Variants in RNF43 observed in about 807,000 individuals in gnomAD.
RNF43 encodes the protein E3 ubiquitin-protein ligase RNF43.
In RNF43, 37 loss-of-function variants were observed where a neutral mutation model predicts 78.4. The observed-to-expected ratio is 0.47, with a 90% CI of 0.36 to 0.62. The LOEUF is 0.62. RNF43 is among the 20% of genes least tolerant of loss of function. RNF43 has a pLI of 0.00. For synonymous variants in RNF43, 347 were observed against 395.0 expected (o/e 0.88, Z 1.44); for missense variants, 774 against 1,007.9 (o/e 0.77, Z 3.14).
chr17:58,369,485 G>A (rs947811663), intron 3 of RNF43, among the ~76,000 whole-genome samples: 2 of 152,222 alleles, frequency 1.3e-5, no homozygotes, highest in African/African-American at 4.8e-5. Context: ...AGGGATCTGG[G>A]CCTGAGACAG....
At chr17:58,414,263 T>C (rs1200039455) in intron 2 of RNF43, among the ~76,000 whole-genome samples, 1 of 152,212 alleles carries the variant, frequency 6.6e-6, no homozygotes, top group Non-Finnish European at 1.5e-5. Context: ...TCTGTTAAAT[T>C]TTCCTATCTT....
At chr17:58,375,361 T>C (rs1000814100) in intron 2 of RNF43, among the ~76,000 whole-genome samples, 17 of 152,208 alleles carry the variant, frequency 1.1e-4, no homozygotes, top group African/African-American at 4.1e-4. Context: ...CTATATCTCT[T>C]CCCACCTTGC....
At chr17:58,363,742 A>G (rs1023950881) in intron 3 of RNF43, 142 bp from the exon 4 acceptor site, 4 of 673,454 alleles carry the variant, frequency 5.9e-6, no homozygotes, top group Non-Finnish European at 1.0e-5. Flanking sequence ...CTACCTATGC[A>G]AGGGGTCACT....
Position 58,354,050 on chromosome 17 carries a change from CTT to C in RNF43, c.*891_*892del. ...GGGCTGTCCAAACCCAAGGGTCACA[CTT>C]TGCTTTTCCTTTGTTGTCCCCATTT... On this transcript the variant is annotated 3_prime_UTR_variant, in exon 10 of 10. Transcript: ENST00000407977. 1 of 192,664 alleles carries C rather than the reference CTT, an allele frequency of 5.2e-6. No homozygotes were observed. Among genetic ancestry groups the C allele is most frequent in the Non-Finnish European group, 1.1e-5 (1 of 91,872 alleles). 11.9% of individuals were successfully genotyped at this position (192,664 alleles called of 1,614,324 possible).
intron 2 of RNF43, among the ~76,000 whole-genome samples, chr17:58,414,082 T>C (rs1210760192): frequency 2.0e-5 from 3 of 152,174 alleles, no homozygotes; most frequent in African/African-American, 7.2e-5. Context: ...CTTATGCCAT[T>C]TTTCCAGATA....
At chr17:58,359,934 A>T (rs966583126) in intron 8 of RNF43, among the ~76,000 whole-genome samples, 13 of 152,320 alleles carry the variant, frequency 8.5e-5, no homozygotes, top group East Asian at 1.9e-4. Context: ...CTCAAAAAAT[A>T]AAAATTAAAA....
chr17:58,359,015 C>T (rs1972772425), intron 8 of RNF43, among the ~76,000 whole-genome samples, 192 bp from the exon 9 acceptor site: 1 of 152,172 alleles, frequency 6.6e-6, no homozygotes. Flanking sequence ...GTTGCCTGCC[C>T]TGGGAGGGCC....
intron 2 of RNF43, among the ~76,000 whole-genome samples, chr17:58,412,198 A>G (rs1253203338): frequency 6.6e-6 from 1 of 152,150 alleles, no homozygotes; most frequent in Non-Finnish European, 1.5e-5. Context: ...ATTTTGGCAA[A>G]TATAGGGGAA....
intron 6 of RNF43, among the ~76,000 whole-genome samples, 172 bp from the exon 7 acceptor site, chr17:58,361,116 T>A (rs902212107): frequency 6.6e-6 from 1 of 152,178 alleles, no homozygotes; most frequent in Non-Finnish European, 1.5e-5. Flanking sequence ...CATGCCAAGC[T>A]CTCCCAGTCC....
At chr17:58,396,249 G>C (rs1335619273) in intron 2 of RNF43, among the ~76,000 whole-genome samples, 1 of 152,110 alleles carries the variant, frequency 6.6e-6, no homozygotes, top group African/African-American at 2.4e-5. Flanking sequence ...AGTGGGCATG[G>C]ATTTTCAAAT....
chr17:58,360,282 G>T lies in RNF43; in HGVS notation c.850-31C>A. On this transcript the variant is annotated intron_variant, in intron 7 of 9. Coordinates refer to ENST00000407977, the MANE Select transcript of RNF43 (RefSeq NM_017763.6). The surrounding 1 kb of genome is among the most constrained non-coding windows in gnomAD (Gnocchi z 4.3). ...GAAAAAGAGGGGGTCCAAACCAAAGGCTTCTGTAGCCATAGGAATTGCCAG... is the reference window on the plus strand; with the variant it reads ...GAAAAAGAGGGGGTCCAAACCAAAGTCTTCTGTAGCCATAGGAATTGCCAG... 6.5e-7 allele frequency: 1 copy of T among 1,545,042 alleles called. No individual in the cohort carries two copies. Among genetic ancestry groups the T allele is most frequent in the Non-Finnish European group, 9.0e-7 (1 of 1,117,060 alleles).
chr17:58,356,130 T>G (rs1972681086), intron 9 of RNF43, among the ~76,000 whole-genome samples: 1 of 152,084 alleles, frequency 6.6e-6, no homozygotes. Context: ...AGTACATGGC[T>G]CTCTCCCCAT....
rs199916345 is a variant in RNF43, at chr17:58,357,685, G to C, written c.2091C>G (p.His697Gln). 6.2e-7 allele frequency: 1 copy of C among 1,612,550 alleles called. No individual in the cohort carries two copies. The highest frequency in any genetic ancestry group is 8.5e-7 in the Non-Finnish European group (1 of 1,179,074). Residue 697 changes from histidine to glutamine, a missense_variant, in exon 9 of 10, where the codon CAC becomes CAG. His to Gln is a conservative substitution (Grantham distance 24). Transcript: ENST00000407977. This position sits in a 1 kb window ranked among gnomAD's most constrained non-coding sequence, Gnocchi z 4.5. ...GGCCTGGAGGTCCACAGATCAAGGG[G>C]TGTGCCTCTGGGGACCAAGGATATG... ...SVAYPWSPEA[H>Q]PLICGPPGLD...
intron 2 of RNF43, among the ~76,000 whole-genome samples, chr17:58,387,419 G>A (rs563553605): frequency 5.3e-5 from 8 of 152,118 alleles, no homozygotes; most frequent in Non-Finnish European, 8.8e-5. Context: ...GGGGGACCGA[G>A]GCAGGCAGAT....
chr17:58,384,517 T>C (rs551569053), intron 2 of RNF43, among the ~76,000 whole-genome samples: 28 of 152,368 alleles, frequency 1.8e-4, no homozygotes, highest in African/African-American at 6.7e-4. Context: ...TGATGTTGCA[T>C]TTTATATTAG....
At chr17:58,382,470 T>G (rs1300800640) in intron 2 of RNF43, among the ~76,000 whole-genome samples, 1 of 152,234 alleles carries the variant, frequency 6.6e-6, no homozygotes, top group Non-Finnish European at 1.5e-5. Flanking sequence ...AGTTTCAGTT[T>G]CAAAGTCAGC....
chr17:58,364,630 A>C (rs182314297), intron 3 of RNF43, among the ~76,000 whole-genome samples: 5 of 152,164 alleles, frequency 3.3e-5, no homozygotes, highest in Non-Finnish European at 7.4e-5. Context: ...CTTCCTCCCT[A>C]GGGCAAAGGT....
Position 58,354,214 on chromosome 17 carries a change from T to C in RNF43, c.*729A>G, listed in dbSNP as rs1972636297. The C allele has an allele frequency of 4.9e-6, 1 of 202,398 alleles. No homozygotes were observed. Among genetic ancestry groups the C allele is most frequent in the Admixed American group, 6.0e-5 (1 of 16,702 alleles). 12.5% of individuals were successfully genotyped at this position (202,398 alleles called of 1,614,324 possible). A position where few individuals can be genotyped will look rare whatever the true frequency, so the allele number is the denominator to read the frequency against. On this transcript the variant is annotated 3_prime_UTR_variant, in exon 10 of 10. Transcript: ENST00000407977. ...AAGTCCAGCAGAAATTCCTCCTTTC[T>C]ACCTCTCTGGGACTCTGAGACAGGA...
At chr17:58,386,982 G>C (rs1295424199) in intron 2 of RNF43, among the ~76,000 whole-genome samples, 1 of 151,986 alleles carries the variant, frequency 6.6e-6, no homozygotes, top group East Asian at 1.9e-4. Flanking sequence ...TTGAGGGCAG[G>C]GGTTTCTTTA....
Sources: gnomAD v4.1 joint callset for allele counts (sites outside exome capture counted in the v4.1 genomes callset) on GRCh38, gnomAD v4.1.1 for gene constraint, Gnocchi (gnomAD v3.1) non-coding constraint, MANE v1.5 for transcripts, NCBI Gene and HGNC (gene_info 2026-07-23, HGNC 2026-07-21) for gene names.